RSRC1: variants seen among roughly 807,000 people sequenced by gnomAD.
RSRC1 encodes the protein arginine and serine rich coiled-coil 1, also known as serine/Arginine-related protein 53.
RSRC1 carries 39 observed loss-of-function variants against 49.1 expected under a neutral mutation model. The ratio of observed to expected loss-of-function variants is 0.79; its 90% confidence interval spans 0.61 to 1.04. The LOEUF is 1.04. Among genes scored for constraint, RSRC1 ranks in the 50% least tolerant of loss-of-function variants. The probability of loss-of-function intolerance (pLI) is 0.00; values close to 1 mark genes in which losing one functional copy is unlikely to be tolerated. For missense variants in RSRC1, 388 were observed against 402.4 expected, an observed-to-expected ratio of 0.96 and a Z score of 0.31; for synonymous variants, 143 against 130.8, an observed-to-expected ratio of 1.09 and a Z score of -0.63.
At chr3:158,304,947 A>G (rs1289530191) in intron 5 of RSRC1, among the ~76,000 whole-genome samples, 5 of 152,168 alleles carry the variant, frequency 3.3e-5, no homozygotes, top group Non-Finnish European at 4.4e-5. Flanking sequence ...TGTTAATGTC[A>G]TATTACTGTC....
intron 4 of RSRC1, among the ~76,000 whole-genome samples, chr3:158,293,240 T>TAC (rs1727040482): frequency 6.6e-6 from 1 of 152,124 alleles, no homozygotes; most frequent in Non-Finnish European, 1.5e-5. Flanking sequence ...CTCTCATATA[T>TAC]GTATATATTA....
At chr3:158,139,287 G>A (rs868557527) in intron 3 of RSRC1, among the ~76,000 whole-genome samples, 14 of 152,092 alleles carry the variant, frequency 9.2e-5, no homozygotes, top group African/African-American at 3.4e-4. Context: ...TGTAATCCCA[G>A]CTACTCAGGA....
At chr3:158,342,256 G>A (rs372004781) in intron 5 of RSRC1, among the ~76,000 whole-genome samples, 1 of 152,138 alleles carries the variant, frequency 6.6e-6, no homozygotes, top group Non-Finnish European at 1.5e-5. Flanking sequence ...AGAATGATAT[G>A]GTTTGGCTGT....
intron 4 of RSRC1, among the ~76,000 whole-genome samples, chr3:158,267,123 T>G (rs1422755705): frequency 6.6e-6 from 1 of 152,228 alleles, no homozygotes; most frequent in Non-Finnish European, 1.5e-5. Context: ...GATGTATTAT[T>G]GATTGACAAT....
chr3:158,341,048 T>C (rs939120327), intron 5 of RSRC1, among the ~76,000 whole-genome samples: 4 of 152,156 alleles, frequency 2.6e-5, no homozygotes, highest in Non-Finnish European at 5.9e-5. Context: ...GGAAGAAATT[T>C]CTAAGCAGCA....
intron 5 of RSRC1, among the ~76,000 whole-genome samples, chr3:158,298,391 A>T (rs1359706356): frequency 6.6e-6 from 1 of 152,076 alleles, no homozygotes; most frequent in Non-Finnish European, 1.5e-5. Context: ...TGATCTGATG[A>T]AAACAAGCTT....
intron 7 of RSRC1, among the ~76,000 whole-genome samples, chr3:158,516,960 C>G (rs1451263552): frequency 6.6e-6 from 1 of 152,204 alleles, no homozygotes. Flanking sequence ...TTGGCTCGTG[C>G]ACGGTGCACG....
At chr3:158,222,231 A>G (rs1275984091) in intron 4 of RSRC1, among the ~76,000 whole-genome samples, 1 of 151,578 alleles carries the variant, frequency 6.6e-6, no homozygotes, top group African/African-American at 2.4e-5. Context: ...TATCAGTCAC[A>G]TAGCCTCCAT....
chr3:158,436,688 A>G (rs964488224), intron 6 of RSRC1, among the ~76,000 whole-genome samples: 8 of 152,032 alleles, frequency 5.3e-5, no homozygotes, highest in Admixed American at 2.6e-4. Context: ...AGACACATGC[A>G]TTTTAAACAA....
At chr3:158,219,295 T>G (rs1722111506) in intron 4 of RSRC1, among the ~76,000 whole-genome samples, 1 of 151,540 alleles carries the variant, frequency 6.6e-6, no homozygotes, top group Non-Finnish European at 1.5e-5. Flanking sequence ...TTTTCTTTTG[T>G]TTTCTTTCTT....
chr3:158,417,974 C>T (rs896152225), intron 6 of RSRC1, among the ~76,000 whole-genome samples: 2 of 151,808 alleles, frequency 1.3e-5, no homozygotes, highest in Non-Finnish European at 2.9e-5. Flanking sequence ...AATCTAAGCC[C>T]AAAGTTGATT....
intron 7 of RSRC1, among the ~76,000 whole-genome samples, chr3:158,483,301 C>T (rs1278992724): frequency 6.6e-6 from 1 of 151,874 alleles, no homozygotes; most frequent in Non-Finnish European, 1.5e-5. Flanking sequence ...GTGTGTTTGC[C>T]TTGTTGCAAG....
At chr3:158,441,099 C>T (rs1382999729) in intron 6 of RSRC1, among the ~76,000 whole-genome samples, 2 of 151,816 alleles carry the variant, frequency 1.3e-5, no homozygotes. Context: ...ATTAAATGGC[C>T]CAAAAAGAAT....
intron 4 of RSRC1, among the ~76,000 whole-genome samples, chr3:158,275,002 T>A (rs1725728033): frequency 6.6e-6 from 1 of 152,192 alleles, no homozygotes; most frequent in Non-Finnish European, 1.5e-5. Context: ...TTCATAATGA[T>A]CACAAATTAG....
intron 6 of RSRC1, among the ~76,000 whole-genome samples, chr3:158,422,969 GATAT>G (rs1735167314): frequency 6.6e-6 from 1 of 152,158 alleles, no homozygotes; most frequent in African/African-American, 2.4e-5. Flanking sequence ...GTAGATTCTG[GATAT>G]TAGCCCTTTG....
At chr3:158,171,688 A>G (rs776388274) in intron 3 of RSRC1, among the ~76,000 whole-genome samples, 6 of 152,068 alleles carry the variant, frequency 3.9e-5, no homozygotes, top group Admixed American at 1.3e-4. Flanking sequence ...GGTGGCTCAC[A>G]TCTGTAATCC....
chr3:158,528,509 C>T (rs1712183158), intron 7 of RSRC1, among the ~76,000 whole-genome samples: 1 of 151,852 alleles, frequency 6.6e-6, no homozygotes, highest in Non-Finnish European at 1.5e-5. Flanking sequence ...GTGTGCCCTG[C>T]GATGTCTGCA....
chr3:158,319,914 T>C (rs1240217575), intron 5 of RSRC1, among the ~76,000 whole-genome samples: 1 of 152,210 alleles, frequency 6.6e-6, no homozygotes, highest in Non-Finnish European at 1.5e-5. Context: ...TTTTATACTT[T>C]TAACCCATGA....
intron 4 of RSRC1, 55 bp from the exon 5 acceptor site, chr3:158,297,984 A>G (rs1727331416): frequency 7.8e-7 from 1 of 1,280,356 alleles, no homozygotes; most frequent in Non-Finnish European, 1.1e-6. Context: ...AGGTAAACAA[A>G]TTAGAGCAGA....
Sources: allele counts gnomAD v4.1 joint callset (sites outside exome capture counted in the v4.1 genomes callset), GRCh38; gene constraint gnomAD v4.1.1; transcripts MANE v1.5; gene names NCBI Gene and HGNC (gene_info 2026-07-23, HGNC 2026-07-21).